Variants in NIBAN1 observed in about 807,000 individuals in gnomAD.
NIBAN1 encodes niban apoptosis regulator 1.
In NIBAN1, 81 loss-of-function variants were observed where a neutral mutation model predicts 75.1. The ratio of observed to expected loss-of-function variants is 1.08; its 90% confidence interval spans 0.90 to 1.30. The LOEUF is 1.30. Ranked by LOEUF, NIBAN1 falls within the 50% of genes most tolerant of loss-of-function variation. The pLI, the probability that NIBAN1 is intolerant of heterozygous loss-of-function variation, is 0.00. For missense variants in NIBAN1, 1,133 were observed against 1,128.1 expected (o/e 1.00, Z -0.06); for synonymous variants, 436 against 424.8 (o/e 1.03, Z -0.32).
chr1:184,794,999 G>C lies in NIBAN1; in HGVS notation c.2765C>G (p.Pro922Arg). Residue 922 changes from proline to arginine, a missense_variant, in exon 14 of 14, where the codon CCA becomes CGA. Physicochemically the swap from Pro to Arg is moderately radical, Grantham distance 103. Coordinates refer to ENST00000367511, the MANE Select transcript of NIBAN1 (RefSeq NM_052966.4). ...KEGEGGQESF[P>R]ELPSEE ...CTTTCACTCCTCTGAGGGCAGCTCT[G>C]GGAAACTCTCCTGACCACCTTCTCC... 6.2e-7 allele frequency: 1 copy of C among 1,611,422 alleles called. No individual in the cohort carries two copies.
chr1:184,852,941 C>G, intron 5 of NIBAN1, among the ~76,000 whole-genome samples: 1 of 152,178 alleles, frequency 6.6e-6, no homozygotes, highest in Non-Finnish European at 1.5e-5. Flanking sequence ...TCCCCTTCTA[C>G]TCCCCTAAAT....
chr1:184,926,260 A>T (rs755118313), intron 1 of NIBAN1, among the ~76,000 whole-genome samples: 1 of 152,066 alleles, frequency 6.6e-6, no homozygotes, highest in Non-Finnish European at 1.5e-5. Context: ...TGTTTTTAAG[A>T]CGAGACTCAC....
intron 1 of NIBAN1, among the ~76,000 whole-genome samples, chr1:184,921,954 G>A (rs954337130): frequency 1.3e-5 from 2 of 152,092 alleles, no homozygotes; most frequent in African/African-American, 4.8e-5. Flanking sequence ...AAAAGCAAAT[G>A]CTTTTTGTAT....
At chr1:184,890,355 GTCATTTACTC>G in intron 3 of NIBAN1, 133 bp from the exon 4 acceptor site, 1 of 644,142 alleles carries the variant, frequency 1.6e-6, no homozygotes, top group Admixed American at 2.7e-5. Context: ...TTGAGTTATA[GTCATTTACTC>G]AAAAAATATG....
intron 5 of NIBAN1, among the ~76,000 whole-genome samples, chr1:184,858,791 A>G (rs563258691): frequency 6.6e-6 from 1 of 152,360 alleles, no homozygotes; most frequent in African/African-American, 2.4e-5. Context: ...AAAGGCCATC[A>G]GGAAGAGAAT....
intron 6 of NIBAN1, among the ~76,000 whole-genome samples, chr1:184,828,978 T>C (rs1414450116): frequency 2.0e-5 from 3 of 152,104 alleles, no homozygotes; most frequent in Admixed American, 6.5e-5. Context: ...TACAAAACTT[T>C]TTGAAGAGAT....
chr1:184,809,595 GTA>G (rs1293302945), intron 9 of NIBAN1, among the ~76,000 whole-genome samples: 10 of 149,702 alleles, frequency 6.7e-5, no homozygotes, highest in Non-Finnish European at 1.3e-4. Context: ...ATACATCAGG[GTA>G]TATGTGTGTG....
chr1:184,797,117 T>C (rs1367778049), intron 13 of NIBAN1, among the ~76,000 whole-genome samples: 1 of 149,560 alleles, frequency 6.7e-6, no homozygotes, highest in South Asian at 2.1e-4. Flanking sequence ...GGTCCACAGT[T>C]TGATGGTGGC....
intron 11 of NIBAN1, among the ~76,000 whole-genome samples, chr1:184,805,736 G>A (rs1048447118): frequency 1.3e-5 from 2 of 152,170 alleles, no homozygotes; most frequent in African/African-American, 4.8e-5. Flanking sequence ...GGGTAATGAT[G>A]CTGAGGACCA....
chr1:184,830,290 G>A (rs535318408), intron 6 of NIBAN1, among the ~76,000 whole-genome samples: 1 of 152,306 alleles, frequency 6.6e-6, no homozygotes, highest in African/African-American at 2.4e-5. Context: ...GGCTTACATG[G>A]CAGGCCAGCC....
At chr1:184,895,329 G>A (rs532077342) in intron 2 of NIBAN1, among the ~76,000 whole-genome samples, 1 of 152,188 alleles carries the variant, frequency 6.6e-6, no homozygotes, top group East Asian at 1.9e-4. Flanking sequence ...TTAATCAACT[G>A]ATAAGCTTGT....
rs1472865631 is a variant in NIBAN1, at chr1:184,880,214, G to C, written c.601+4419C>G. Among the ~76,000 whole-genome samples, 3 of 152,162 alleles carry C rather than the reference G, an allele frequency of 2.0e-5. No individual in the cohort carries two copies. The East Asian group carries it at 5.8e-4, about 29-fold the overall frequency. ...TGTTCCCCCAAATCCTTTAGTCTGA[G>C]TACCATGGGTTGATATTGACAAATG... On this transcript the variant is annotated intron_variant, in intron 5 of 13. Transcript: ENST00000367511.
At chr1:184,806,078 G>C (rs1400201557) in intron 10 of NIBAN1, 22 bp from the exon 11 acceptor site, 1 of 1,596,416 alleles carries the variant, frequency 6.3e-7, no homozygotes, top group Non-Finnish European at 8.6e-7. Context: ...AAGCGACACA[G>C]AAACAGACAA....
chr1:184,816,173 A>T (rs995336570), intron 9 of NIBAN1, among the ~76,000 whole-genome samples: 1 of 152,170 alleles, frequency 6.6e-6, no homozygotes, highest in African/African-American at 2.4e-5. Flanking sequence ...GATTTGGTTT[A>T]TGGGGACCCT....
chr1:184,955,952 G>A (rs76216619), intron 1 of NIBAN1, among the ~76,000 whole-genome samples: 2 of 152,006 alleles, frequency 1.3e-5, no homozygotes, highest in Non-Finnish European at 2.9e-5. Flanking sequence ...TGTATGCACA[G>A]TGTCCACTTA....
intron 10 of NIBAN1, 81 bp downstream of exon 10, chr1:184,807,993 G>T: frequency 6.6e-7 from 1 of 1,506,340 alleles, no homozygotes; most frequent in Non-Finnish European, 9.2e-7. Flanking sequence ...AGCTACACTA[G>T]CAGCTGGTCT....
chr1:184,947,144 A>G (rs1032002394), intron 1 of NIBAN1, among the ~76,000 whole-genome samples: 1 of 152,198 alleles, frequency 6.6e-6, no homozygotes, highest in Non-Finnish European at 1.5e-5. Flanking sequence ...AATGACATGT[A>G]GTCCAAGTCT....
At chr1:184,916,414 A>T (rs1005875230) in intron 1 of NIBAN1, among the ~76,000 whole-genome samples, 1 of 152,234 alleles carries the variant, frequency 6.6e-6, no homozygotes, top group Non-Finnish European at 1.5e-5. Flanking sequence ...TAACAGGTAC[A>T]TGACAATGAT....
At chr1:184,798,996 AT>A (rs560142173) in intron 12 of NIBAN1, among the ~76,000 whole-genome samples, 8 of 151,366 alleles carry the variant, frequency 5.3e-5, no homozygotes, top group Non-Finnish European at 8.9e-5. Flanking sequence ...AAAAATTGAG[AT>A]TTTTTTTCAA....
Sources: allele counts gnomAD v4.1 joint callset (sites outside exome capture counted in the v4.1 genomes callset), GRCh38; gene constraint gnomAD v4.1.1; transcripts MANE v1.5; gene names NCBI Gene and HGNC (gene_info 2026-07-23, HGNC 2026-07-21).